Variants in WDR27 observed in about 807,000 individuals in gnomAD.
WDR27 encodes WD repeat-containing protein 27.
In WDR27, 100 loss-of-function variants were observed where a neutral mutation model predicts 114.4. The observed-to-expected ratio is 0.87, with a 90% CI of 0.74 to 1.03. WDR27 has a LOEUF of 1.03. WDR27 is among the 50% of genes least tolerant of loss of function. The probability of loss-of-function intolerance (pLI) is 0.00; values close to 1 mark genes in which losing one functional copy is unlikely to be tolerated. For synonymous variants in WDR27, 449 were observed against 423.1 expected (o/e 1.06, Z -0.75); for missense variants, 1,129 against 1,092.9 (o/e 1.03, Z -0.47).
Position 169,668,063 on chromosome 6 carries a change from G to A in WDR27, c.579C>T (p.His193=), listed in dbSNP as rs1048597885. Reference sequence around the variant, plus strand: ...ACTCCACCGCAGTCACCGGGCCCAGGTGGCCCTGCAGCTCGGCCCGAACAG... The same window carrying A: ...ACTCCACCGCAGTCACCGGGCCCAGATGGCCCTGCAGCTCGGCCCGAACAG... The part of the protein sequence containing the change: ...TQAVRAELQG[H]LGPVTAVEFC... Residue 193 remains histidine (H), a synonymous_variant, in exon 5 of 26, where the codon CAC becomes CAT. Coordinates refer to ENST00000448612, the MANE Select transcript of WDR27 (RefSeq NM_182552.5). The A allele has an allele frequency of 8.1e-6, 13 of 1,613,842 alleles. No homozygotes were observed. The African/African-American group carries it at 1.3e-4, about 17-fold the overall frequency.
intron 2 of WDR27, among the ~76,000 whole-genome samples, chr6:169,682,539 T>C (rs1585135778): frequency 6.6e-6 from 1 of 152,246 alleles, no homozygotes; most frequent in Admixed American, 6.5e-5. Flanking sequence ...GCAGTGGTCA[T>C]GGGCTCAGGG....
the WDR27 span, among the ~76,000 whole-genome samples, chr6:169,445,587 C>G: frequency 5.3e-5 from 8 of 152,230 alleles, no homozygotes; most frequent in African/African-American, 1.9e-4. Context: ...GCTATTATTA[C>G]AAACGAAAAT....
chr6:169,487,522 G>A (rs1322243934), intron 25 of WDR27, among the ~76,000 whole-genome samples: 1 of 152,170 alleles, frequency 6.6e-6, no homozygotes, highest in Non-Finnish European at 1.5e-5. Context: ...CGAGGCGCTT[G>A]AAAGGGGTCG....
intron 17 of WDR27, among the ~76,000 whole-genome samples, chr6:169,638,996 GTACTGCGTGGTGCTGGA>G (rs1488986469): frequency 1.4e-4 from 22 of 151,726 alleles, no homozygotes; most frequent in African/African-American, 2.2e-4. Flanking sequence ...GCAGTGCTGG[GTACTGCGTGGTGCTGGA>G]TACTGCGTGG....
chr6:169,561,086 C>T (rs1799608081), intron 25 of WDR27, among the ~76,000 whole-genome samples: 1 of 152,088 alleles, frequency 6.6e-6, no homozygotes, highest in Non-Finnish European at 1.5e-5. Context: ...ATGCCATAAA[C>T]TGGGTGGTTT....
intron 1 of WDR27, among the ~76,000 whole-genome samples, chr6:169,694,477 T>C (rs1024539308): frequency 3.5e-4 from 53 of 152,232 alleles, no homozygotes; most frequent in Non-Finnish European, 8.8e-5. Context: ...CCCAAATGTA[T>C]TTCTTCAAGG....
intron 25 of WDR27, among the ~76,000 whole-genome samples, chr6:169,468,492 C>A (rs2997885): frequency 0.83 from 126,482 of 152,152 alleles, 53,632 homozygotes; most frequent in African/African-American, 0.94. Flanking sequence ...AAACCATCAG[C>A]TCTTGTGAAA....
chr6:169,482,507 T>G (rs1788312272), intron 25 of WDR27, among the ~76,000 whole-genome samples: 1 of 152,208 alleles, frequency 6.6e-6, no homozygotes, highest in African/African-American at 2.4e-5. Context: ...TGCATTTCTC[T>G]TATAATCAGT....
chr6:169,534,227 G>A (rs767572164), intron 25 of WDR27, among the ~76,000 whole-genome samples: 3 of 152,168 alleles, frequency 2.0e-5, no homozygotes, highest in Admixed American at 1.3e-4. Flanking sequence ...CTTGCATTCC[G>A]GGGACGAATC....
At chr6:169,612,686 CCTGCCTG>C (rs1312176387) in intron 22 of WDR27, among the ~76,000 whole-genome samples, 26 of 148,164 alleles carry the variant, frequency 1.8e-4, no homozygotes, top group Non-Finnish European at 3.1e-4. Flanking sequence ...TCCTGCAGGA[CCTGCCTG>C]AGGCTGCTTT....
chr6:169,572,188 T>C (rs980264954), intron 25 of WDR27, among the ~76,000 whole-genome samples: 7 of 152,090 alleles, frequency 4.6e-5, no homozygotes, highest in African/African-American at 1.7e-4. Flanking sequence ...AATCATTAGG[T>C]AAAACATTGA....
At position 169,661,878 on chromosome 6, in the gene WDR27, C is replaced by T. The variant is rs1024284326; in HGVS notation, c.1025+426G>A. On this transcript the variant is annotated intron_variant, in intron 9 of 25. Coordinates refer to ENST00000448612, the MANE Select transcript of WDR27 (RefSeq NM_182552.5). ...ATTCTTGAATCACAGTTAAACAGTA[C>T]TTCCTTATGTTGCCAAATATGTAAT... is the stretch of plus-strand genomic sequence containing the variant. Among the ~76,000 whole-genome samples, 4 of 152,238 alleles carry T rather than the reference C, an allele frequency of 2.6e-5. No individual in the cohort carries two copies. In the East Asian group the frequency reaches 7.7e-4, roughly 29 times the overall value.
intron 16 of WDR27, among the ~76,000 whole-genome samples, chr6:169,646,889 G>A (rs980261464): frequency 4.6e-5 from 7 of 152,064 alleles, no homozygotes; most frequent in African/African-American, 1.7e-4. Context: ...TCTAATTTCC[G>A]AAAATGACTT....
At chr6:169,666,908 G>C (rs1019196469) in intron 6 of WDR27, 3 of 985,310 alleles carry the variant, frequency 3.0e-6, no homozygotes, top group Non-Finnish European at 3.6e-6. Context: ...AAAACAGAAA[G>C]GCCCAGACTC....
chr6:169,481,733 G>A (rs949694641), intron 25 of WDR27, among the ~76,000 whole-genome samples: 6 of 151,734 alleles, frequency 4.0e-5, no homozygotes, highest in South Asian at 2.1e-4. Flanking sequence ...AACTCCAGAC[G>A]GGAGGAATGA....
intron 25 of WDR27, among the ~76,000 whole-genome samples, chr6:169,482,169 G>A (rs113009174): frequency 0.013 from 1,987 of 152,296 alleles, 42 homozygotes; most frequent in African/African-American, 0.041. Context: ...TGGTGTATAT[G>A]TACCACATTT....
chr6:169,523,143 T>C (rs543959315), intron 25 of WDR27, among the ~76,000 whole-genome samples: 1 of 152,090 alleles, frequency 6.6e-6, no homozygotes, highest in African/African-American at 2.4e-5. Context: ...AAAGACTCAT[T>C]AGAGACTATT....
At chr6:169,692,828 T>A (rs1784857755) in intron 1 of WDR27, among the ~76,000 whole-genome samples, 1 of 152,164 alleles carries the variant, frequency 6.6e-6, no homozygotes, top group Admixed American at 6.5e-5. Context: ...TGCCCCCATC[T>A]GATGGTTTGT....
chr6:169,665,506 T>G lies in WDR27; in HGVS notation c.763A>C (p.Thr255Pro), dbSNP rs886717073. The change falls in exon 7 of 26, where the codon ACC becomes CCC. Residue 255 changes from threonine (T) to proline (P), a missense_variant. Thr to Pro is a conservative substitution (Grantham distance 38). Coordinates refer to ENST00000448612, the MANE Select transcript of WDR27 (RefSeq NM_182552.5). Reference sequence around the variant, plus strand: ...CTCACCTGGCCGTCAGCACACCCGGTGACCAGCTGCCTGCTTTCTGCATCA... The same window carrying G: ...CTCACCTGGCCGTCAGCACACCCGGGGACCAGCTGCCTGCTTTCTGCATCA... ...FIDAESRQLV[T>P]GCADGQLWIF... is the part of the protein sequence containing the mutation. 4 of 1,613,684 alleles carry G rather than the reference T, an allele frequency of 2.5e-6. No homozygotes were observed. The highest frequency in any genetic ancestry group is 1.6e-4 in the Middle Eastern group (1 of 6,084).
Sources: allele counts gnomAD v4.1 joint callset (sites outside exome capture counted in the v4.1 genomes callset), GRCh38; gene constraint gnomAD v4.1.1; transcripts MANE v1.5; gene names NCBI Gene and HGNC (gene_info 2026-07-23, HGNC 2026-07-21).